The following SNX29 variants were observed in gnomAD, a reference collection of about 807,000 sequenced individuals.
The protein encoded by SNX29 is sorting nexin 29, also known as sorting nexin-29.
Under a neutral mutation model 102.1 loss-of-function variants are expected in SNX29, and 78 were observed. The ratio of observed to expected loss-of-function variants is 0.76; its 90% CI spans 0.64 to 0.92. The LOEUF is 0.92. SNX29 is among the 40% of genes least tolerant of loss of function. The pLI, the probability that SNX29 is intolerant of heterozygous loss-of-function variation, is 0.00. For missense variants in SNX29, 1,280 were observed against 1,061.7 expected, an observed-to-expected ratio of 1.21 and a Z score of -2.86; for synonymous variants, 580 against 414.5, an observed-to-expected ratio of 1.40 and a Z score of -4.85.
At chr16:12,478,485 T>A (rs2087760214) in intron 19 of SNX29, among the ~76,000 whole-genome samples, 2 of 152,116 alleles carry the variant, frequency 1.3e-5, no homozygotes, top group African/African-American at 4.8e-5. Flanking sequence ...TTCATCCCGG[T>A]TCCCTTGAGG....
intron 14 of SNX29, among the ~76,000 whole-genome samples, chr16:12,249,175 T>A (rs925108582): frequency 7.9e-5 from 12 of 152,176 alleles, no homozygotes; most frequent in African/African-American, 2.7e-4. Flanking sequence ...TCATCTCTGC[T>A]CCATGATGTC....
At chr16:12,377,398 C>G (rs951320695) in intron 16 of SNX29, among the ~76,000 whole-genome samples, 3 of 152,182 alleles carry the variant, frequency 2.0e-5, no homozygotes, top group African/African-American at 7.2e-5. Context: ...AGACATTGGC[C>G]AAGCACATTC....
chr16:12,479,748 A>T (rs575285248), intron 19 of SNX29, among the ~76,000 whole-genome samples: 3 of 152,242 alleles, frequency 2.0e-5, no homozygotes, highest in African/African-American at 7.2e-5. Flanking sequence ...CGTATTATCA[A>T]ATTATAAGAC....
intron 16 of SNX29, among the ~76,000 whole-genome samples, chr16:12,358,526 C>T (rs1159173611): frequency 6.6e-6 from 1 of 152,326 alleles, no homozygotes; most frequent in East Asian, 1.9e-4. Flanking sequence ...CTCCTGCTCT[C>T]TTTTCACCTC....
chr16:12,146,917 T>A (rs2055087325), intron 13 of SNX29, among the ~76,000 whole-genome samples: 1 of 152,208 alleles, frequency 6.6e-6, no homozygotes, highest in African/African-American at 2.4e-5. Context: ...TCCTAGATAG[T>A]TTTTTAAAAT....
chr16:12,170,383 A>T (rs1299728241), intron 13 of SNX29, among the ~76,000 whole-genome samples: 1 of 151,914 alleles, frequency 6.6e-6, no homozygotes, highest in Non-Finnish European at 1.5e-5. Flanking sequence ...AGAGCACTGG[A>T]TCCAGACCCA....
At chr16:12,342,694 G>T (rs1324167204) in intron 15 of SNX29, among the ~76,000 whole-genome samples, 1 of 152,140 alleles carries the variant, frequency 6.6e-6, no homozygotes, top group African/African-American at 2.4e-5. Context: ...CCATTTTTCA[G>T]ATGCAGAAAC....
chr16:12,564,772 T>C (rs549912745), intron 20 of SNX29, among the ~76,000 whole-genome samples: 90 of 152,038 alleles, frequency 5.9e-4, no homozygotes, highest in African/African-American at 2.1e-3. Context: ...ATTGGCTTTA[T>C]GATTGCAGCC....
At chr16:12,040,228 A>T (rs1364841264) in intron 4 of SNX29, among the ~76,000 whole-genome samples, 1 of 152,248 alleles carries the variant, frequency 6.6e-6, no homozygotes, top group African/African-American at 2.4e-5. Flanking sequence ...AAAATTAAAA[A>T]GTTAGCTGGG....
intron 18 of SNX29, among the ~76,000 whole-genome samples, chr16:12,468,299 C>A (rs570895479): frequency 7.3e-5 from 11 of 151,042 alleles, no homozygotes; most frequent in Non-Finnish European, 1.5e-4. Context: ...CTCAGCCTCC[C>A]GAGTACCTGG....
At chr16:12,242,367 ATT>A (rs869193950) in intron 14 of SNX29, among the ~76,000 whole-genome samples, 4,657 of 141,454 alleles carry the variant, frequency 0.033, 123 homozygotes, top group African/African-American at 0.055. Context: ...ATATATATAT[ATT>A]TTTTTTTTTT....
intron 18 of SNX29, among the ~76,000 whole-genome samples, chr16:12,425,175 G>T (rs1049849337): frequency 6.6e-6 from 1 of 152,236 alleles, no homozygotes; most frequent in Non-Finnish European, 1.5e-5. Flanking sequence ...TCCTCTGGGG[G>T]TATGGTGCAG....
intron 18 of SNX29, among the ~76,000 whole-genome samples, chr16:12,435,963 C>T (rs1270867487): frequency 2.0e-5 from 3 of 152,186 alleles, no homozygotes. Context: ...CGCGTTACTT[C>T]CCGTAGGCCC....
intron 11 of SNX29, among the ~76,000 whole-genome samples, chr16:12,107,649 AAAAAC>A (rs2053319081): frequency 1.3e-5 from 2 of 152,268 alleles, no homozygotes; most frequent in African/African-American, 4.8e-5. Context: ...AAACAAAAAC[AAAAAC>A]AAAAAAAAGA....
rs74009118 is a variant in SNX29, at chr16:12,529,563, C to T, written c.2318+4722C>T. Among the ~76,000 whole-genome samples the T allele has an allele frequency of 4.6e-5, 7 of 152,246 alleles. No homozygotes were observed. The South Asian group carries it at 1.4e-3, about 32-fold the overall frequency. On this transcript the variant is annotated intron_variant, in intron 20 of 20. Coordinates refer to ENST00000566228, the MANE Select transcript of SNX29 (RefSeq NM_032167.5). ...TTGGGAAATACATTATGTTCTCCTG[C>T]TCCTTGAGGAGAGAGAAAGTTAGGG... is the stretch of plus-strand genomic sequence containing the variant.
At chr16:12,155,415 G>A (rs4780414) in intron 13 of SNX29, among the ~76,000 whole-genome samples, 60,629 of 151,982 alleles carry the variant, frequency 0.4, 13,147 homozygotes, top group African/African-American at 0.57. Context: ...TTGAGAGCAC[G>A]GGGATGAGGT....
At chr16:12,175,515 G>A (rs1474527629) in intron 13 of SNX29, among the ~76,000 whole-genome samples, 1 of 152,038 alleles carries the variant, frequency 6.6e-6, no homozygotes, top group Non-Finnish European at 1.5e-5. Context: ...GCCAGGGATG[G>A]TGGTACACAC....
At chr16:12,155,635 G>A (rs2055514840) in intron 13 of SNX29, among the ~76,000 whole-genome samples, 1 of 152,212 alleles carries the variant, frequency 6.6e-6, no homozygotes, top group Admixed American at 6.5e-5. Flanking sequence ...GGCAGACTGT[G>A]GAGTTGGAGA....
chr16:12,549,530 C>CCAGT (rs1567175009), intron 20 of SNX29, among the ~76,000 whole-genome samples: 1 of 151,736 alleles, frequency 6.6e-6, no homozygotes, highest in African/African-American at 2.4e-5. Context: ...TCCTCTATCT[C>CCAGT]AAATAGCCAG....
Sources: allele counts gnomAD v4.1 joint callset (sites outside exome capture counted in the v4.1 genomes callset), GRCh38; gene constraint gnomAD v4.1.1; transcripts MANE v1.5; gene names NCBI Gene and HGNC (gene_info 2026-07-23, HGNC 2026-07-21).